VPS13A: variants seen among roughly 807,000 people sequenced by gnomAD.
The protein encoded by VPS13A is intermembrane lipid transfer protein VPS13A.
In VPS13A, 264 loss-of-function variants were observed where a neutral mutation model predicts 390.9. The ratio of observed to expected loss-of-function variants is 0.68; its 90% confidence interval spans 0.61 to 0.75. The LOEUF is 0.75. Among genes scored for constraint, VPS13A ranks in the 30% least tolerant of loss-of-function variants. The pLI is 0.00. For missense variants in VPS13A, 3,409 were observed against 3,733.9 expected (o/e 0.91, Z 2.27); for synonymous variants, 1,231 against 1,227.1 (o/e 1.00, Z -0.07).
chr9:77,182,078 C>G (rs1396157777), intron 1 of VPS13A, among the ~76,000 whole-genome samples: 2 of 152,018 alleles, frequency 1.3e-5, no homozygotes, highest in Non-Finnish European at 2.9e-5. Flanking sequence ...CCAACTTTCT[C>G]CAGCAATTTT....
Position 77,419,830 on chromosome 9 carries a change from C to G in VPS13A, c.*3824C>G, listed in dbSNP as rs1393350996. The G allele has an allele frequency of 6.6e-6, 1 of 152,132 alleles. No individual in the cohort carries two copies. The highest frequency in any genetic ancestry group is 1.5e-5 in the Non-Finnish European group (1 of 68,022). 9.4% of individuals were successfully genotyped at this position (152,132 alleles called of 1,614,324 possible). A position where few individuals can be genotyped will look rare whatever the true frequency, so the allele number is the denominator to read the frequency against. On this transcript the variant is annotated 3_prime_UTR_variant, in exon 72 of 72. Coordinates refer to ENST00000360280, the MANE Select transcript of VPS13A (RefSeq NM_033305.3). ...ACCATCTACCTTTTGGCTGATTCACCATACAGGTGGCAAAGGCCTTTAAAA... is the reference window on the plus strand; with the variant it reads ...ACCATCTACCTTTTGGCTGATTCACGATACAGGTGGCAAAGGCCTTTAAAA...
intron 32 of VPS13A, among the ~76,000 whole-genome samples, chr9:77,294,558 G>A (rs575288840): frequency 6.6e-6 from 1 of 152,272 alleles, no homozygotes; most frequent in East Asian, 1.9e-4. Flanking sequence ...TCATTTGAAT[G>A]TATTTGGGAA....
Position 77,385,912 on chromosome 9 carries a change from C to CAA in VPS13A, c.9189+3832_9189+3833dup, listed in dbSNP as rs141109196. 1.3e-4 allele frequency among the ~76,000 whole-genome samples: 20 copies of CAA among 151,128 alleles called. No individual in the cohort carries two copies. The East Asian group carries it at 2.3e-3, about 18-fold the overall frequency. Reference sequence around the variant, plus strand: ...AAATTTGAAAATATTGAGATTACTGCAAAAAAAACTGAAAAAAATCAGCTT... The same window carrying CAA: ...AAATTTGAAAATATTGAGATTACTGCAAAAAAAAAACTGAAAAAAATCAGCTT... On this transcript the variant is annotated intron_variant, in intron 68 of 71. Transcript: ENST00000360280.
intron 70 of VPS13A, among the ~76,000 whole-genome samples, chr9:77,406,235 A>G (rs990993208): frequency 6.6e-6 from 1 of 152,132 alleles, no homozygotes; most frequent in African/African-American, 2.4e-5. Flanking sequence ...TATATTCAGT[A>G]ACAGAGCCCC....
intron 67 of VPS13A, among the ~76,000 whole-genome samples, chr9:77,372,258 A>C (rs952564850): frequency 1.3e-5 from 2 of 151,816 alleles, no homozygotes; most frequent in African/African-American, 4.8e-5. Context: ...ACTAGTTTAC[A>C]GTCCCACCAA....
intron 23 of VPS13A, among the ~76,000 whole-genome samples, chr9:77,271,204 G>T (rs929040201): frequency 2.0e-5 from 3 of 152,096 alleles, no homozygotes; most frequent in Admixed American, 1.3e-4. Context: ...ATGAAAAGAT[G>T]TTCGACTTTA....
At chr9:77,215,904 T>C (rs1369446885) in intron 10 of VPS13A, among the ~76,000 whole-genome samples, 1 of 152,208 alleles carries the variant, frequency 6.6e-6, no homozygotes, top group African/African-American at 2.4e-5. Flanking sequence ...AAAACTGCCT[T>C]AGCAAGGTGC....
In VPS13A at chr9:77,323,081, TCTA is replaced by T. The variant is rs1395439534; in HGVS notation, c.5848_5850del (p.Thr1950del). On this transcript the variant is annotated inframe_deletion, in exon 45 of 72. Transcript: ENST00000360280. The stretch of plus-strand genomic sequence containing the variant: ...ACTTAATTTAGCACCTGTTAACCAT[TCTA>T]CTGCTGATAAGATTCCTTTAACAAA... The T allele has an allele frequency of 3.1e-6, 5 of 1,612,312 alleles. No homozygotes were observed. In the South Asian group the frequency reaches 4.4e-5, roughly 14 times the overall value.
intron 1 of VPS13A, among the ~76,000 whole-genome samples, chr9:77,179,297 A>G (rs936503524): frequency 7.2e-5 from 11 of 152,212 alleles, no homozygotes. Flanking sequence ...GCTAAGAGGC[A>G]TGTATGCACC....
intron 62 of VPS13A, among the ~76,000 whole-genome samples, chr9:77,369,055 C>G (rs548927842): frequency 1.3e-5 from 2 of 152,014 alleles, no homozygotes; most frequent in African/African-American, 2.4e-5. Context: ...TGCTTGAACC[C>G]GTGAGGCAGA....
In VPS13A at chr9:77,315,285, A is replaced by C; in HGVS notation, c.4445A>C (p.Lys1482Thr). The C allele has an allele frequency of 1.2e-6, 2 of 1,613,914 alleles. 1 individual carries two copies. Among genetic ancestry groups the C allele is most frequent in the Middle Eastern group, 3.3e-4 (2 of 6,058 alleles). ...GGACTGACAGTTGGTTTTGACAAAAAAGACATGATGGATATAAAGTACAGG... is the reference window on the plus strand; with the variant it reads ...GGACTGACAGTTGGTTTTGACAAAACAGACATGATGGATATAAAGTACAGG... ...MIGLTVGFDK[K>T]DMMDIKYRKV... The change falls in exon 38 of 72, where the codon AAA (lysine) becomes ACA (threonine). Residue 1482 changes from lysine (K) to threonine (T), a missense_variant. Physicochemically the swap from Lys to Thr is moderately conservative, Grantham distance 78. Around this residue, in one of 5 missense-constraint regions of VPS13A, gnomAD observed 2,717 missense variants for 2,917.4 expected, o/e 0.93. Coordinates refer to ENST00000360280, the MANE Select transcript of VPS13A (RefSeq NM_033305.3).
rs935257488 is a variant in VPS13A at position 77,420,777 on chromosome 9, A to C, written c.*4771A>C. On this transcript the variant is annotated 3_prime_UTR_variant, in exon 72 of 72. Coordinates refer to ENST00000360280, the MANE Select transcript of VPS13A (RefSeq NM_033305.3). ...TGGTATAATGAGATATCAAATAATC[A>C]GAAGTATAATTAAAATAGAACATGT... is the stretch of plus-strand genomic sequence containing the variant. 1 of 152,226 alleles carries C rather than the reference A, an allele frequency of 6.6e-6. No individual in the cohort carries two copies. Among genetic ancestry groups the C allele is most frequent in the African/African-American group, 2.4e-5 (1 of 41,460 alleles). The allele number at this position is 152,226 out of a possible 1,614,324, so 9.4% of individuals were successfully genotyped here.
intron 5 of VPS13A, among the ~76,000 whole-genome samples, chr9:77,208,238 CTATT>C (rs1212562851): frequency 2.0e-5 from 3 of 152,174 alleles, no homozygotes; most frequent in Admixed American, 2.0e-4. Context: ...ATTCTATAAT[CTATT>C]TATATGTATA....
At chr9:77,351,793 C>T (rs918125464) in intron 53 of VPS13A, among the ~76,000 whole-genome samples, 3 of 151,974 alleles carry the variant, frequency 2.0e-5, no homozygotes, top group African/African-American at 4.8e-5. Flanking sequence ...CGCTTGAACC[C>T]GGGAGGCAGC....
chr9:77,401,191 G>A (rs1203084481), intron 68 of VPS13A, among the ~76,000 whole-genome samples: 1 of 152,032 alleles, frequency 6.6e-6, no homozygotes, highest in Non-Finnish European at 1.5e-5. Context: ...TTCCAGAGTA[G>A]TTCTTCTCAT....
At chr9:77,377,276 G>A (rs1385183171) in intron 67 of VPS13A, among the ~76,000 whole-genome samples, 1 of 129,302 alleles carries the variant, frequency 7.7e-6, no homozygotes, top group African/African-American at 2.9e-5. Context: ...GCGGACTGCA[G>A]TGGCGCAATC....
intron 67 of VPS13A, among the ~76,000 whole-genome samples, chr9:77,374,231 A>T (rs1172593959): frequency 6.6e-6 from 1 of 152,136 alleles, no homozygotes; most frequent in South Asian, 2.1e-4. Flanking sequence ...TTAGCCCTAT[A>T]TATACTGTGT....
intron 22 of VPS13A, among the ~76,000 whole-genome samples, chr9:77,259,862 C>A (rs999643246): frequency 6.6e-6 from 1 of 152,044 alleles, no homozygotes; most frequent in African/African-American, 2.4e-5. Context: ...ATATAGCAAA[C>A]AGTAGAAGGA....
intron 5 of VPS13A, among the ~76,000 whole-genome samples, chr9:77,207,106 A>G (rs1446245961): frequency 6.8e-6 from 1 of 146,388 alleles, no homozygotes; most frequent in African/African-American, 2.5e-5. Context: ...GTTAAGCAGT[A>G]TTATAGTGTC....
Sources: gnomAD v4.1 joint callset for allele counts (sites outside exome capture counted in the v4.1 genomes callset) on GRCh38, gnomAD v4.1.1 for gene constraint, gnomAD v4.1.1 regional missense constraint, MANE v1.5 for transcripts, NCBI Gene and HGNC (gene_info 2026-07-23, HGNC 2026-07-21) for gene names.